The following PDE4D variants were observed in gnomAD, a reference collection of about 807,000 sequenced individuals.
PDE4D encodes phosphodiesterase 4D.
PDE4D carries 24 observed loss-of-function variants against 87.4 expected under a neutral mutation model. The ratio of observed to expected loss-of-function variants is 0.27; its 90% CI spans 0.20 to 0.39. PDE4D has a LOEUF of 0.39. Among genes scored for constraint, PDE4D ranks in the 10% least tolerant of loss-of-function variants. PDE4D has a pLI of 1.00. For missense variants in PDE4D, 714 were observed against 1,041.0 expected (o/e 0.69, Z 4.32); for synonymous variants, 384 against 383.2 (o/e 1.00, Z -0.02).
chr5:60,474,150 A>ATATATATATATAT (rs1274940940), intron 1 of PDE4D, among the ~76,000 whole-genome samples: 48 of 96,350 alleles, frequency 5.0e-4, no homozygotes, highest in Non-Finnish European at 6.5e-4. Flanking sequence ...ATATATATAT[A>ATATATATATATAT]ACAAAAACCT....
chr5:59,861,709 T>C (rs1161666190), intron 1 of PDE4D, among the ~76,000 whole-genome samples: 1 of 152,202 alleles, frequency 6.6e-6, no homozygotes, highest in Non-Finnish European at 1.5e-5. Flanking sequence ...AAACACATAT[T>C]ACCAAGGACT....
intron 1 of PDE4D, chr5:59,218,137 G>C (rs771383151): frequency 5.5e-4 from 154 of 281,062 alleles, no homozygotes; most frequent in Non-Finnish European, 1.0e-3. Context: ...GATAGTCATG[G>C]CAGCTTTTCA....
At chr5:59,950,395 T>C (rs2152804080) in intron 3 of PDE4D, among the ~76,000 whole-genome samples, 1 of 152,300 alleles carries the variant, frequency 6.6e-6, no homozygotes, top group South Asian at 2.1e-4. Context: ...TTATATTTGA[T>C]AAATGATTTA....
At chr5:60,024,342 A>G (rs1766402303) in intron 2 of PDE4D, among the ~76,000 whole-genome samples, 1 of 152,208 alleles carries the variant, frequency 6.6e-6, no homozygotes, top group Admixed American at 6.6e-5. Context: ...AACTATGCTT[A>G]GTTGCATTTC....
chr5:59,504,942 G>A (rs12188999), intron 1 of PDE4D, among the ~76,000 whole-genome samples: 30,329 of 149,236 alleles, frequency 0.2, 3,469 homozygotes, highest in Non-Finnish European at 0.27. Flanking sequence ...GTGTGTGTGC[G>A]TGCGCGTGTG....
At chr5:59,479,503 C>T (rs1189046878) in intron 1 of PDE4D, among the ~76,000 whole-genome samples, 1 of 152,040 alleles carries the variant, frequency 6.6e-6, no homozygotes, top group Non-Finnish European at 1.5e-5. Context: ...TTCCAAATTT[C>T]CCATTTACAT....
chr5:59,457,091 A>C (rs1016933506), intron 1 of PDE4D, among the ~76,000 whole-genome samples: 2 of 152,232 alleles, frequency 1.3e-5, no homozygotes, highest in African/African-American at 4.8e-5. Context: ...CCAATTTTGA[A>C]AGTTCTACAT....
chr5:60,106,771 C>T (rs1244447004), intron 2 of PDE4D, among the ~76,000 whole-genome samples: 11 of 151,854 alleles, frequency 7.2e-5, no homozygotes, highest in East Asian at 1.9e-4. Flanking sequence ...GGGTACATAA[C>T]GAAATGAAGG....
intron 1 of PDE4D, among the ~76,000 whole-genome samples, chr5:59,782,372 G>C (rs1275434244): frequency 6.6e-6 from 1 of 152,160 alleles, no homozygotes; most frequent in Non-Finnish European, 1.5e-5. Context: ...ACAAATCTGG[G>C]ATTTTAGTGT....
intron 1 of PDE4D, among the ~76,000 whole-genome samples, chr5:60,519,136 C>T (rs964215172): frequency 6.6e-6 from 1 of 152,176 alleles, no homozygotes. Context: ...CTATTACTAA[C>T]GAACTTGAAG....
intron 1 of PDE4D, among the ~76,000 whole-genome samples, chr5:60,209,381 G>T (rs534361487): frequency 1.3e-5 from 2 of 151,890 alleles, no homozygotes; most frequent in Admixed American, 1.3e-4. Context: ...TTTTCTCTCT[G>T]GATAACAATG....
At chr5:60,233,427 T>C (rs1428460644) in intron 1 of PDE4D, among the ~76,000 whole-genome samples, 2 of 151,848 alleles carry the variant, frequency 1.3e-5, no homozygotes, top group Non-Finnish European at 2.9e-5. Flanking sequence ...TTCTCTAATT[T>C]AAGATTTCAT....
At chr5:59,610,375 C>T (rs1383050976) in intron 1 of PDE4D, among the ~76,000 whole-genome samples, 2 of 152,158 alleles carry the variant, frequency 1.3e-5, no homozygotes, top group East Asian at 1.9e-4. Context: ...TACTTCATTA[C>T]TAATTAATTA....
chr5:60,101,342 A>C (rs191266186), intron 2 of PDE4D, among the ~76,000 whole-genome samples: 1 of 152,144 alleles, frequency 6.6e-6, no homozygotes, highest in African/African-American at 2.4e-5. Context: ...GGCAAGAAGA[A>C]AAATATACCT....
Position 58,991,864 on chromosome 5 carries a change from C to T in PDE4D, c.1156G>A (p.Val386Ile). 6.4e-7 allele frequency: 1 copy of T among 1,557,808 alleles called. No individual in the cohort carries two copies. The highest frequency in any genetic ancestry group is 8.7e-7 in the Non-Finnish European group (1 of 1,154,844). ...AGGACATCTTCTTGTTCAGTTTTAA[C>T]TCCAAACCTTGGGATACTTGAATTA... ...LTNSSIPRFGVKTEQEDVLAK... is the reference protein window; with the variant it reads ...LTNSSIPRFGIKTEQEDVLAK... Residue 386 changes from valine to isoleucine, a missense_variant, in exon 8 of 15, where the codon GTT becomes ATT. Transcript: ENST00000340635.
chr5:60,048,931 A>T (rs1054975270), intron 2 of PDE4D, among the ~76,000 whole-genome samples: 16 of 152,182 alleles, frequency 1.1e-4, no homozygotes, highest in African/African-American at 3.6e-4. Context: ...ACATTGGGGA[A>T]GTTCTCCTGG....
At chr5:59,761,348 C>T (rs1249487525) in intron 1 of PDE4D, among the ~76,000 whole-genome samples, 1 of 152,016 alleles carries the variant, frequency 6.6e-6, no homozygotes, top group Non-Finnish European at 1.5e-5. Flanking sequence ...TACACTTAGG[C>T]TACACTTAAT....
At chr5:59,877,111 A>G (rs1373073932) in intron 1 of PDE4D, among the ~76,000 whole-genome samples, 1 of 152,206 alleles carries the variant, frequency 6.6e-6, no homozygotes, top group Non-Finnish European at 1.5e-5. Flanking sequence ...ATGAAAAATT[A>G]AAGAATTATT....
chr5:60,428,866 T>C (rs1161060601), intron 1 of PDE4D, among the ~76,000 whole-genome samples: 1 of 152,184 alleles, frequency 6.6e-6, no homozygotes, highest in Non-Finnish European at 1.5e-5. Context: ...GATATAATAA[T>C]CTACTCAAAG....
Sources: gnomAD v4.1 joint callset for allele counts (sites outside exome capture counted in the v4.1 genomes callset) on GRCh38, gnomAD v4.1.1 for gene constraint, MANE v1.5 for transcripts, NCBI Gene and HGNC (gene_info 2026-07-23, HGNC 2026-07-21) for gene names.